Variants in CCDC122 observed in about 807,000 individuals in gnomAD.
CCDC122 encodes coiled-coil domain-containing protein 122.
CCDC122 carries 38 observed loss-of-function variants against 37.0 expected under a neutral mutation model. The observed-to-expected ratio is 1.03, with a 90% CI of 0.79 to 1.35. The LOEUF (loss-of-function observed/expected upper bound fraction) is 1.35, where lower values mean the gene tolerates loss of function less well. CCDC122 is among the 40% of genes most tolerant of loss of function. The pLI is 0.00. For missense variants in CCDC122, 305 were observed against 310.0 expected (o/e 0.98, Z 0.12); for synonymous variants, 83 against 95.6 (o/e 0.87, Z 0.77).
chr13:43,835,569 A>C (rs1187576009), downstream of CCDC122, among the ~76,000 whole-genome samples: 1 of 152,196 alleles, frequency 6.6e-6, no homozygotes, highest in Non-Finnish European at 1.5e-5. Context: ...ACTACATTAA[A>C]ACTTACTTTT....
intron 4 of CCDC122, among the ~76,000 whole-genome samples, chr13:43,861,900 T>A (rs1323102820): frequency 6.6e-6 from 1 of 152,128 alleles, no homozygotes; most frequent in African/African-American, 2.4e-5. Context: ...AGCCTAGAAA[T>A]CATTCTTGAT....
intron 3 of CCDC122, among the ~76,000 whole-genome samples, chr13:43,830,929 G>C (rs922033113): frequency 2.6e-5 from 4 of 151,840 alleles, no homozygotes; most frequent in African/African-American, 4.8e-5. Context: ...AAACATGAGA[G>C]AATTACACTG....
chr13:43,845,959 C>G (rs1469631659), intron 6 of CCDC122, among the ~76,000 whole-genome samples: 1 of 152,134 alleles, frequency 6.6e-6, no homozygotes, highest in Non-Finnish European at 1.5e-5. Context: ...TATAAACATC[C>G]TGTAGAACGT....
chr13:43,828,288 GCATTATGTGT>G (rs1953058264), intron 3 of CCDC122, among the ~76,000 whole-genome samples: 1 of 152,080 alleles, frequency 6.6e-6, no homozygotes, highest in South Asian at 2.1e-4. Context: ...ATCAGAGCAC[GCATTATGTGT>G]CAGGTGTCTG....
chr13:43,826,545 A>G (rs1213194917), intron 3 of CCDC122, among the ~76,000 whole-genome samples: 4 of 152,160 alleles, frequency 2.6e-5, no homozygotes, highest in Non-Finnish European at 5.9e-5. Context: ...ATGAAAGCTC[A>G]AAACTCCCTT....
At chr13:43,868,881 C>T (rs1170818363) in intron 3 of CCDC122, 78 bp from the exon 4 acceptor site, 7 of 624,746 alleles carry the variant, frequency 1.1e-5, no homozygotes, top group Non-Finnish European at 1.5e-5. Flanking sequence ...TTTCTTTACT[C>T]AAAATCATGA....
intron 2 of CCDC122, among the ~76,000 whole-genome samples, chr13:43,872,799 A>G (rs1004031965): frequency 6.6e-6 from 1 of 152,042 alleles, no homozygotes; most frequent in Non-Finnish European, 1.5e-5. Flanking sequence ...TAAATCAACA[A>G]CCACTACCAC....
At chr13:43,864,004 G>A (rs1228194650) in intron 4 of CCDC122, among the ~76,000 whole-genome samples, 1 of 151,978 alleles carries the variant, frequency 6.6e-6, no homozygotes, top group African/African-American at 2.4e-5. Flanking sequence ...GATTCATTTT[G>A]AGTTAATTTT....
At chr13:43,824,953 T>C (rs1484510127) in intron 3 of CCDC122, among the ~76,000 whole-genome samples, 2 of 152,174 alleles carry the variant, frequency 1.3e-5, no homozygotes, top group Admixed American at 6.5e-5. Flanking sequence ...TTGGTGGGCA[T>C]GTAAATTAGT....
intron 4 of CCDC122, among the ~76,000 whole-genome samples, chr13:43,866,189 A>C (rs918859311): frequency 6.6e-6 from 1 of 152,226 alleles, no homozygotes. Context: ...TTATTTCTGT[A>C]ATCTTCCATT....
rs1273773467 is a variant in CCDC122, at chr13:43,836,592, TG to T, written c.*687del. On this transcript the variant is annotated 3_prime_UTR_variant, in exon 7 of 7. Coordinates refer to ENST00000444614, the MANE Select transcript of CCDC122 (RefSeq NM_144974.5). ...CAGGCCGGGCGCGGTGGCTCACGCC[TG>T]TAATCCCAGCACTTTGGGAGGCCGA... The T allele has an allele frequency of 1.3e-5, 2 of 152,064 alleles. No homozygotes were observed. Among genetic ancestry groups the T allele is most frequent in the Non-Finnish European group, 2.9e-5 (2 of 68,000 alleles). 9.4% of individuals were successfully genotyped at this position (152,064 alleles called of 1,614,324 possible). A position where few individuals can be genotyped will look rare whatever the true frequency, so the allele number is the denominator to read the frequency against.
intron 6 of CCDC122, among the ~76,000 whole-genome samples, chr13:43,850,262 G>A (rs867443397): frequency 6.6e-6 from 1 of 152,080 alleles, no homozygotes; most frequent in Non-Finnish European, 1.5e-5. Context: ...TACCCAACAT[G>A]TCCACATTTC....
At chr13:43,877,993 T>G (rs1594870188) in intron 1 of CCDC122, 1 of 152,078 alleles carries the variant, frequency 6.6e-6, no homozygotes, top group East Asian at 1.9e-4. Context: ...TGAGGAAGTG[T>G]TAGGACATGA....
chr13:43,866,988 C>T (rs2153877874), intron 4 of CCDC122, among the ~76,000 whole-genome samples: 1 of 152,198 alleles, frequency 6.6e-6, no homozygotes, highest in Admixed American at 6.5e-5. Context: ...GAGGAGACAT[C>T]TTTTTCTTTT....
rs193190036 is a variant in CCDC122, at chr13:43,869,087, T to C, written c.46+244A>G. Among the ~76,000 whole-genome samples the C allele has an allele frequency of 2.4e-4, 36 of 152,192 alleles. No homozygotes were observed. In the East Asian group the frequency reaches 6.2e-3, roughly 26 times the overall value. On this transcript the variant is annotated intron_variant, in intron 3 of 6. Coordinates refer to ENST00000444614, the MANE Select transcript of CCDC122 (RefSeq NM_144974.5). ...TTTTTTTATCCAGACCACTTGCACA[T>C]ATACTATAATTATAGTGCTACCATA...
chr13:43,829,683 A>G (rs1195849988), intron 3 of CCDC122, among the ~76,000 whole-genome samples: 2 of 152,142 alleles, frequency 1.3e-5, no homozygotes, highest in African/African-American at 4.8e-5. Flanking sequence ...CTGTACAGAC[A>G]TAAGTTGCTC....
At chr13:43,825,647 G>C (rs544425476) in intron 3 of CCDC122, among the ~76,000 whole-genome samples, 2 of 152,004 alleles carry the variant, frequency 1.3e-5, no homozygotes, top group Admixed American at 6.6e-5. Context: ...GTGTGCGCTT[G>C]TAGTCCCAGC....
At chr13:43,825,735 A>G (rs1218058129) in intron 3 of CCDC122, among the ~76,000 whole-genome samples, 1 of 141,362 alleles carries the variant, frequency 7.1e-6, no homozygotes. Context: ...ACACCATTGC[A>G]CTACAGCCTG....
At chr13:43,878,236 T>C (rs937607359) in intron 1 of CCDC122, 2 of 152,046 alleles carry the variant, frequency 1.3e-5, no homozygotes, top group African/African-American at 4.8e-5. Context: ...GCAAAAGTAA[T>C]TGTGGTCTTT....
Sources: gnomAD v4.1 joint callset for allele counts (sites outside exome capture counted in the v4.1 genomes callset) on GRCh38, gnomAD v4.1.1 for gene constraint, MANE v1.5 for transcripts, NCBI Gene and HGNC (gene_info 2026-07-23, HGNC 2026-07-21) for gene names.